The following DGKB variants were observed in gnomAD, a reference collection of about 807,000 sequenced individuals.
DGKB encodes diacylglycerol kinase beta, also known as 90 kDa diacylglycerol kinase.
Under a neutral mutation model 114.3 loss-of-function variants are expected in DGKB, and 67 were observed. The ratio of observed to expected loss-of-function variants is 0.59; its 90% CI spans 0.48 to 0.72. The LOEUF (loss-of-function observed/expected upper bound fraction) is 0.72. DGKB is among the 30% of genes least tolerant of loss of function. The pLI, the probability that DGKB is intolerant of heterozygous loss-of-function variation, is 0.00. For missense variants in DGKB, 907 were observed against 975.2 expected, an observed-to-expected ratio of 0.93 and a Z score of 0.93; for synonymous variants, 398 against 323.1, an observed-to-expected ratio of 1.23 and a Z score of -2.49.
chr7:14,470,727 A>G (rs1781155085), intron 21 of DGKB, among the ~76,000 whole-genome samples: 1 of 151,774 alleles, frequency 6.6e-6, no homozygotes, highest in Non-Finnish European at 1.5e-5. Context: ...TTAAGAGAAT[A>G]TCTCATGAAA....
At chr7:14,251,022 T>G (rs896849608) in intron 23 of DGKB, among the ~76,000 whole-genome samples, 2 of 152,180 alleles carry the variant, frequency 1.3e-5, no homozygotes, top group Non-Finnish European at 2.9e-5. Flanking sequence ...TGTGTGTCCT[T>G]CAAGCTAAAG....
intron 20 of DGKB, among the ~76,000 whole-genome samples, chr7:14,482,872 G>C (rs1054963140): frequency 4.0e-5 from 6 of 151,488 alleles, no homozygotes; most frequent in African/African-American, 7.3e-5. Flanking sequence ...TTCCCAGGCA[G>C]ACTGTATCAG....
intron 23 of DGKB, among the ~76,000 whole-genome samples, chr7:14,304,806 A>T (rs1804196327): frequency 1.3e-5 from 2 of 152,122 alleles, no homozygotes; most frequent in Non-Finnish European, 2.9e-5. Context: ...TTTAATCCTA[A>T]TGAAAACTAT....
chr7:14,250,258 C>T (rs1252966224), intron 23 of DGKB, among the ~76,000 whole-genome samples: 1 of 151,854 alleles, frequency 6.6e-6, no homozygotes, highest in Non-Finnish European at 1.5e-5. Context: ...CATGAGCCAC[C>T]ATGCCTGGTT....
intron 23 of DGKB, among the ~76,000 whole-genome samples, chr7:14,196,938 A>G (rs1785110947): frequency 6.6e-6 from 1 of 152,134 alleles, no homozygotes; most frequent in Non-Finnish European, 1.5e-5. Flanking sequence ...ACACTAATCT[A>G]GCTTTTGGAA....
intron 13 of DGKB, among the ~76,000 whole-genome samples, chr7:14,635,174 T>C (rs1316566988): frequency 6.7e-6 from 1 of 148,594 alleles, no homozygotes; most frequent in Non-Finnish European, 1.5e-5. Flanking sequence ...TGGTAAAATA[T>C]ATTTTTAACT....
intron 25 of DGKB, among the ~76,000 whole-genome samples, chr7:14,154,710 A>G (rs185747134): frequency 6.6e-6 from 1 of 152,126 alleles, no homozygotes; most frequent in East Asian, 1.9e-4. Context: ...CAAACAACAA[A>G]GCGTATTTCC....
intron 1 of DGKB, among the ~76,000 whole-genome samples, chr7:14,849,432 G>A (rs143408420): frequency 6.6e-6 from 1 of 152,034 alleles, no homozygotes; most frequent in Non-Finnish European, 1.5e-5. Context: ...CTTTATAAAA[G>A]GGCAAGTTCA....
At chr7:14,905,072 T>C (rs574694955), upstream of DGKB, among the ~76,000 whole-genome samples, 41 of 152,206 alleles carry the variant, frequency 2.7e-4, no homozygotes, top group African/African-American at 9.1e-4. Flanking sequence ...CATTTTGAAA[T>C]TAAATCATAT....
At chr7:14,689,218 T>TTTTTTTTTA in intron 9 of DGKB, among the ~76,000 whole-genome samples, 1 of 140,756 alleles carries the variant, frequency 7.1e-6, no homozygotes, top group East Asian at 2.2e-4. Flanking sequence ...TTTTTTTTTT[T>TTTTTTTTTA]TTTTTTGAGA....
At chr7:14,497,674 T>C (rs1785504430) in intron 20 of DGKB, among the ~76,000 whole-genome samples, 1 of 151,862 alleles carries the variant, frequency 6.6e-6, no homozygotes, top group Admixed American at 6.6e-5. Flanking sequence ...TCACCCCAAA[T>C]AACAATAATT....
At position 14,161,723 on chromosome 7, in the gene DGKB, G is replaced by C. The variant is rs187456943; in HGVS notation, c.2305-12485C>G. On this transcript the variant is annotated intron_variant, in intron 25 of 25. Coordinates refer to ENST00000402815, the MANE Select transcript of DGKB (RefSeq NM_001350709.2). ...GGAGAAATACCTAAGGTAGATGACGGGTTGATGGGTGTAGCAAACCACCAT... is the reference window on the plus strand; with the variant it reads ...GGAGAAATACCTAAGGTAGATGACGCGTTGATGGGTGTAGCAAACCACCAT... Among the ~76,000 whole-genome samples, 48 of 152,050 alleles carry C rather than the reference G, an allele frequency of 3.2e-4. 2 individuals are homozygous for C. Among genetic ancestry groups the C allele is most frequent in the African/African-American group, 1.1e-3 (44 of 41,478 alleles).
chr7:14,727,837 C>T (rs991167411), intron 5 of DGKB, among the ~76,000 whole-genome samples: 1 of 152,224 alleles, frequency 6.6e-6, no homozygotes, highest in East Asian at 1.9e-4. Flanking sequence ...TATTTAATAT[C>T]CTCAAGACAG....
chr7:14,226,531 A>G (rs2128332310), intron 23 of DGKB, among the ~76,000 whole-genome samples: 1 of 152,166 alleles, frequency 6.6e-6, no homozygotes, highest in East Asian at 1.9e-4. Flanking sequence ...AAGTATTTTA[A>G]TTGGCATTCT....
At chr7:14,612,702 A>T (rs1480096916) in intron 16 of DGKB, among the ~76,000 whole-genome samples, 3 of 152,042 alleles carry the variant, frequency 2.0e-5, no homozygotes, top group African/African-American at 7.2e-5. Flanking sequence ...AGGCAGGTAT[A>T]AATGCATTTT....
intron 13 of DGKB, 61 bp downstream of exon 13, chr7:14,672,868 A>C: frequency 1.0e-6 from 1 of 986,754 alleles, no homozygotes; most frequent in Non-Finnish European, 1.6e-6. Context: ...TTTTAATGGT[A>C]TACGATACTG....
At chr7:14,750,457 A>G (rs1586209082) in intron 4 of DGKB, among the ~76,000 whole-genome samples, 2 of 152,122 alleles carry the variant, frequency 1.3e-5, no homozygotes, top group South Asian at 2.1e-4. Flanking sequence ...AGTACAACCT[A>G]TTACTTTGGG....
chr7:14,780,385 T>A (rs1332402388), intron 2 of DGKB, among the ~76,000 whole-genome samples: 1 of 152,210 alleles, frequency 6.6e-6, no homozygotes, highest in Non-Finnish European at 1.5e-5. Flanking sequence ...TACTTTTTTA[T>A]TCTACAGTTT....
chr7:14,471,268 ATG>A (rs1421913704), intron 21 of DGKB, among the ~76,000 whole-genome samples: 13 of 145,272 alleles, frequency 8.9e-5, no homozygotes, highest in African/African-American at 2.0e-4. Flanking sequence ...TATGGAATAT[ATG>A]TGTATACATA....
Sources: allele counts gnomAD v4.1 joint callset (sites outside exome capture counted in the v4.1 genomes callset), GRCh38; gene constraint gnomAD v4.1.1; transcripts MANE v1.5; gene names NCBI Gene and HGNC (gene_info 2026-07-23, HGNC 2026-07-21).